The following SLC35D4 variants were observed in gnomAD, a reference collection of about 807,000 sequenced individuals.
SLC35D4 encodes solute carrier family 35 member D4, also known as UDP-N-acetylglucosamine transporter SLC35D4.
the SLC35D4 span, among the ~76,000 whole-genome samples, chr18:23,285,163 G>C: frequency 6.6e-6 from 1 of 151,454 alleles, no homozygotes. Flanking sequence ...TCCGCACCCC[G>C]ACCTCTTATC....
chr18:23,247,577 C>T, the SLC35D4 span, among the ~76,000 whole-genome samples: 5 of 152,328 alleles, frequency 3.3e-5, no homozygotes, highest in South Asian at 4.1e-4. Context: ...CTGCCGCTGT[C>T]GACATCAAGT....
chr18:23,269,694 A>ATGGACAATAAAGTCCAGG, the SLC35D4 span, among the ~76,000 whole-genome samples: 1 of 152,352 alleles, frequency 6.6e-6, no homozygotes, highest in Non-Finnish European at 1.5e-5. Flanking sequence ...TGATAGTGAT[A>ATGGACAATAAAGTCCAGG]TGGACAATAA....
At chr18:23,281,460 C>A in the SLC35D4 span, among the ~76,000 whole-genome samples, 1 of 152,034 alleles carries the variant, frequency 6.6e-6, no homozygotes, top group Admixed American at 6.6e-5. Context: ...ATAGCTGGGA[C>A]CACAGGCGTG....
At chr18:23,390,242 T>G in the SLC35D4 span, among the ~76,000 whole-genome samples, 1 of 152,172 alleles carries the variant, frequency 6.6e-6, no homozygotes, top group African/African-American at 2.4e-5. Flanking sequence ...GATCTAGATA[T>G]CTGCTAAAGA....
At chr18:23,343,394 A>C in the SLC35D4 span, among the ~76,000 whole-genome samples, 1 of 151,888 alleles carries the variant, frequency 6.6e-6, no homozygotes, top group Admixed American at 6.6e-5. Context: ...GGCATGCGCC[A>C]CCACATCTGG....
the SLC35D4 span, among the ~76,000 whole-genome samples, chr18:23,414,271 A>G: frequency 1.3e-5 from 2 of 149,120 alleles, no homozygotes; most frequent in East Asian, 2.0e-4. Context: ...AAGAAAAGAA[A>G]AAAAAGAAAA....
chr18:23,386,534 CT>C, the SLC35D4 span, among the ~76,000 whole-genome samples: 2 of 152,102 alleles, frequency 1.3e-5, no homozygotes, highest in Non-Finnish European at 2.9e-5. Flanking sequence ...GGATACATTT[CT>C]GTTGTTTTAA....
At chr18:23,253,661 G>T in the SLC35D4 span, 1 of 1,281,220 alleles carries the variant, frequency 7.8e-7, no homozygotes, top group East Asian at 2.4e-5. Context: ...TCAAGATGGG[G>T]GAGTTTTTCT....
At chr18:23,279,085 A>G in the SLC35D4 span, among the ~76,000 whole-genome samples, 1 of 152,124 alleles carries the variant, frequency 6.6e-6, no homozygotes, top group Non-Finnish European at 1.5e-5. Context: ...CTGATCTGGC[A>G]GTGCCTTTGT....
the SLC35D4 span, among the ~76,000 whole-genome samples, chr18:23,309,332 T>C: frequency 6.6e-6 from 1 of 152,040 alleles, no homozygotes; most frequent in African/African-American, 2.4e-5. Context: ...TATACATACA[T>C]ATATATACAC....
the SLC35D4 span, among the ~76,000 whole-genome samples, chr18:23,366,829 T>A: frequency 6.6e-6 from 1 of 152,158 alleles, no homozygotes; most frequent in Non-Finnish European, 1.5e-5. Context: ...GACAGGAGGT[T>A]TGCGAGAAAG....
At chr18:23,373,832 G>A in the SLC35D4 span, 1 of 1,541,674 alleles carries the variant, frequency 6.5e-7, no homozygotes, top group East Asian at 2.3e-5. Context: ...AGAGCGTGGA[G>A]GTGAAAATGC....
the SLC35D4 span, among the ~76,000 whole-genome samples, chr18:23,327,443 A>G: frequency 1.3e-5 from 2 of 152,356 alleles, no homozygotes; most frequent in East Asian, 3.9e-4. Context: ...TAAACTAGAA[A>G]ATCTAGAAGA....
chr18:23,411,076 TG>T, the SLC35D4 span, among the ~76,000 whole-genome samples: 1 of 151,232 alleles, frequency 6.6e-6, no homozygotes, highest in African/African-American at 2.4e-5. Context: ...ATGGTCCTGG[TG>T]GGATCTCAGG....
chr18:23,298,469 C>G, the SLC35D4 span, among the ~76,000 whole-genome samples: 7 of 152,288 alleles, frequency 4.6e-5, no homozygotes, highest in African/African-American at 1.7e-4. Context: ...TATCCACACT[C>G]TTAAAATTAA....
At chr18:23,387,309 C>T in the SLC35D4 span, among the ~76,000 whole-genome samples, 3 of 152,202 alleles carry the variant, frequency 2.0e-5, no homozygotes, top group Non-Finnish European at 4.4e-5. Context: ...TCCAGCTCCA[C>T]CACCTGCTAG....
chr18:23,274,986 CAT>C, the SLC35D4 span, among the ~76,000 whole-genome samples: 1 of 78,228 alleles, frequency 1.3e-5, no homozygotes, highest in Non-Finnish European at 2.5e-5. Flanking sequence ...TGTCTGAGTG[CAT>C]GTGTGTGAGC....
the SLC35D4 span, among the ~76,000 whole-genome samples, chr18:23,335,644 C>G: frequency 6.6e-6 from 1 of 152,118 alleles, no homozygotes; most frequent in Admixed American, 6.6e-5. Flanking sequence ...ATGCAGAATT[C>G]CACCTTTCTC....
chr18:23,341,127 G>A, the SLC35D4 span, among the ~76,000 whole-genome samples: 1 of 152,180 alleles, frequency 6.6e-6, no homozygotes, highest in Non-Finnish European at 1.5e-5. Flanking sequence ...GGGATCCTGA[G>A]ATTTTATGAA....
Sources: allele counts gnomAD v4.1 joint callset (sites outside exome capture counted in the v4.1 genomes callset), GRCh38; gene constraint gnomAD v4.1.1; transcripts MANE v1.5; gene names NCBI Gene and HGNC (gene_info 2026-07-23, HGNC 2026-07-21).